The following PTGER3 variants were observed in gnomAD, a reference collection of about 807,000 sequenced individuals.
PTGER3 encodes the protein prostaglandin E receptor 3, also known as prostaglandin E2 receptor EP3 subtype.
PTGER3 carries 22 observed loss-of-function variants against 34.7 expected under a neutral mutation model. The observed-to-expected ratio is 0.63, with a 90% CI of 0.45 to 0.91. The LOEUF is 0.91. Among genes scored for constraint, PTGER3 ranks in the 40% least tolerant of loss-of-function variants. The pLI is 0.00. For synonymous variants in PTGER3, 241 were observed against 230.1 expected (o/e 1.05, Z -0.43); for missense variants, 468 against 519.4 (o/e 0.90, Z 0.96).
intron 4 of PTGER3, among the ~76,000 whole-genome samples, chr1:70,874,091 T>TACAA (rs981613906): frequency 2.6e-5 from 4 of 152,146 alleles, no homozygotes; most frequent in African/African-American, 7.2e-5. Context: ...AAAACAAACA[T>TACAA]ACAAACAAAC....
intron 4 of PTGER3, among the ~76,000 whole-genome samples, chr1:70,880,155 A>C (rs1225830527): frequency 1.3e-5 from 2 of 151,920 alleles, no homozygotes; most frequent in Non-Finnish European, 2.9e-5. Context: ...TATTATGCAG[A>C]CTTGATTGTG....
chr1:70,938,279 A>G (rs984335373), intron 4 of PTGER3, among the ~76,000 whole-genome samples: 2 of 152,328 alleles, frequency 1.3e-5, no homozygotes, highest in East Asian at 3.9e-4. Context: ...GTACCAGACT[A>G]GACAGGGAAA....
In PTGER3 at chr1:70,881,186, C is replaced by T. The variant is rs149854078; in HGVS notation, c.*24-28327G>A. ...CTCTCAAGCTCTGAGATTCTTTCCT[C>T]AGCTTGGTTGATGGAGCTGTTAATA... On this transcript the variant is annotated intron_variant, in intron 4 of 4. Transcript: ENST00000370931. Among the ~76,000 whole-genome samples, 84 of 152,320 alleles carry T rather than the reference C, an allele frequency of 5.5e-4. 1 individual carries two copies. The East Asian group carries it at 0.016, about 29-fold the overall frequency.
Position 70,970,970 on chromosome 1 carries a change from T to A in PTGER3, c.*760A>T, listed in dbSNP as rs1445918548. The A allele has an allele frequency of 1.2e-5, 12 of 985,286 alleles. No homozygotes were observed. Among genetic ancestry groups the A allele is most frequent in the Non-Finnish European group, 3.6e-6 (3 of 829,936 alleles). The allele number at this position is 985,286 out of a possible 1,614,324, so 61.0% of individuals were successfully genotyped here. A position where few individuals can be genotyped will look rare whatever the true frequency, so the allele number is the denominator to read the frequency against. ...GGTGAATCAGAAGGCCTACCTGGAT[T>A]TTTTTATCACTCTAACTGCGCAGCT... On this transcript the variant is annotated 3_prime_UTR_variant, in exon 4 of 4. Coordinates refer to ENST00000306666, the MANE Select transcript of PTGER3 (RefSeq NM_198719.2).
chr1:70,928,688 G>A (rs1315927347), intron 4 of PTGER3, among the ~76,000 whole-genome samples: 3 of 152,054 alleles, frequency 2.0e-5, no homozygotes, highest in Non-Finnish European at 4.4e-5. Context: ...CTATTCTTGG[G>A]AAAAGGAATT....
chr1:71,007,580 T>C (rs770029555), intron 2 of PTGER3: 1 of 985,318 alleles, frequency 1.0e-6, no homozygotes. Context: ...TGGACAGGTT[T>C]TCCATCATAT....
At chr1:71,030,509 T>C (rs931784008) in intron 1 of PTGER3, among the ~76,000 whole-genome samples, 4 of 152,236 alleles carry the variant, frequency 2.6e-5, no homozygotes, top group African/African-American at 9.7e-5. Context: ...ATAATATATG[T>C]GACTTGTACT....
At chr1:70,927,346 T>C (rs1428651711) in intron 4 of PTGER3, among the ~76,000 whole-genome samples, 1 of 152,168 alleles carries the variant, frequency 6.6e-6, no homozygotes, top group Non-Finnish European at 1.5e-5. Flanking sequence ...AGATAGAACC[T>C]ACAGGAGTTG....
At chr1:70,875,031 A>G (rs531627665) in intron 4 of PTGER3, among the ~76,000 whole-genome samples, 1 of 152,314 alleles carries the variant, frequency 6.6e-6, no homozygotes, top group Non-Finnish European at 1.5e-5. Context: ...TCACCAGGCA[A>G]CTATTAGCCT....
rs538509868 is a variant in PTGER3 at position 70,970,849 on chromosome 1, C to A, written c.*881G>T. ...AATAGATTCTTTTATTTTATAAAAA[C>A]GTAATAAAGTTTGTTATTCAACAAC... On this transcript the variant is annotated 3_prime_UTR_variant, in exon 4 of 4. Coordinates refer to ENST00000306666, the MANE Select transcript of PTGER3 (RefSeq NM_198719.2). 1 of 930,662 alleles carries A rather than the reference C, an allele frequency of 1.1e-6. No individual in the cohort carries two copies. The highest frequency in any genetic ancestry group is 1.8e-5 in the African/African-American group (1 of 55,922). The allele number at this position is 930,662 out of a possible 1,614,324, so 57.7% of individuals were successfully genotyped here. A position where few individuals can be genotyped will look rare whatever the true frequency, so the allele number is the denominator to read the frequency against.
intron 2 of PTGER3, among the ~76,000 whole-genome samples, chr1:70,986,241 C>G (rs1386790665): frequency 6.6e-6 from 1 of 152,120 alleles, no homozygotes; most frequent in Non-Finnish European, 1.5e-5. Context: ...AAATGGGCCA[C>G]AATCGACTCT....
intron 4 of PTGER3, among the ~76,000 whole-genome samples, chr1:70,899,254 G>A (rs979947398): frequency 6.6e-6 from 1 of 152,108 alleles, no homozygotes; most frequent in African/African-American, 2.4e-5. Flanking sequence ...GTCTAGTGGG[G>A]AATAGAGACA....
intron 1 of PTGER3, among the ~76,000 whole-genome samples, chr1:71,036,698 G>A (rs1659860040): frequency 6.6e-6 from 1 of 152,122 alleles, no homozygotes; most frequent in Middle Eastern, 3.4e-3. Context: ...AACTAGCCGG[G>A]TGTGGTGGTG....
chr1:71,010,993 A>G (rs905169260), intron 2 of PTGER3: 58 of 985,690 alleles, frequency 5.9e-5, no homozygotes, highest in Middle Eastern at 1.0e-3. Context: ...AATCTTCACA[A>G]TAAAAAGTTA....
chr1:70,964,944 T>C (rs1227304310), intron 2 of PTGER3, among the ~76,000 whole-genome samples: 2 of 152,166 alleles, frequency 1.3e-5, no homozygotes, highest in Non-Finnish European at 2.9e-5. Context: ...GCAAAGAAGA[T>C]GGACAAATAA....
intron 1 of PTGER3, among the ~76,000 whole-genome samples, chr1:71,043,688 T>C (rs573251414): frequency 6.6e-6 from 1 of 152,346 alleles, no homozygotes; most frequent in East Asian, 1.9e-4. Flanking sequence ...GAAAATTCAA[T>C]TCACTAAATT....
At chr1:70,869,870 C>T (rs1300153350) in intron 4 of PTGER3, among the ~76,000 whole-genome samples, 5 of 152,122 alleles carry the variant, frequency 3.3e-5, no homozygotes, top group Admixed American at 1.3e-4. Context: ...GTCTGTGGCT[C>T]TTCTACACTG....
intron 2 of PTGER3, among the ~76,000 whole-genome samples, chr1:70,961,389 C>G (rs923035916): frequency 6.6e-6 from 1 of 152,298 alleles, no homozygotes; most frequent in Non-Finnish European, 1.5e-5. Context: ...AGCACAAGTA[C>G]TAGGTTCTGT....
At chr1:70,917,155 C>T (rs1283063228) in intron 4 of PTGER3, among the ~76,000 whole-genome samples, 1 of 151,892 alleles carries the variant, frequency 6.6e-6, no homozygotes, top group African/African-American at 2.4e-5. Context: ...TAACTTTGTA[C>T]ACATTGACCA....
Sources: gnomAD v4.1 joint callset for allele counts (sites outside exome capture counted in the v4.1 genomes callset) on GRCh38, gnomAD v4.1.1 for gene constraint, MANE v1.5 for transcripts, NCBI Gene and HGNC (gene_info 2026-07-23, HGNC 2026-07-21) for gene names.